Variants in CHRM3 observed in about 807,000 individuals in gnomAD.
CHRM3 encodes the protein cholinergic receptor muscarinic 3.
CHRM3 carries 11 observed loss-of-function variants against 41.8 expected under a neutral mutation model. That is an observed-to-expected ratio of 0.26 (90% CI 0.17 to 0.44). The LOEUF is 0.44. CHRM3 is among the 20% of genes least tolerant of loss of function. The pLI is 1.00. For synonymous variants in CHRM3, 297 were observed against 301.4 expected, an observed-to-expected ratio of 0.99 and a Z score of 0.15; for missense variants, 571 against 745.4, an observed-to-expected ratio of 0.77 and a Z score of 2.72.
At chr1:239,673,963 G>A (rs111509216) in intron 4 of CHRM3, among the ~76,000 whole-genome samples, 176 of 152,150 alleles carry the variant, frequency 1.2e-3, no homozygotes, top group African/African-American at 4.1e-3. Flanking sequence ...AACTTTTTGA[G>A]CACCAACATG....
At chr1:239,692,175 C>T (rs1195167609) in intron 5 of CHRM3, among the ~76,000 whole-genome samples, 1 of 152,146 alleles carries the variant, frequency 6.6e-6, no homozygotes. Flanking sequence ...TACATTTAGG[C>T]ATGTGTTTTT....
At chr1:239,874,303 A>ATATCTATATACACAGTG (rs796373002) in intron 6 of CHRM3, among the ~76,000 whole-genome samples, 1 of 123,996 alleles carries the variant, frequency 8.1e-6, no homozygotes, top group Non-Finnish European at 1.6e-5. Context: ...ATATATATAT[A>ATATCTATATACACAGTG]TATATATATA....
chr1:239,452,793 T>C (rs1453959362), intron 1 of CHRM3, among the ~76,000 whole-genome samples: 1 of 152,122 alleles, frequency 6.6e-6, no homozygotes, highest in African/African-American at 2.4e-5. Context: ...TTTACTTATT[T>C]ATTTTATTTT....
intron 1 of CHRM3, among the ~76,000 whole-genome samples, chr1:239,439,343 T>C (rs1391323401): frequency 6.6e-6 from 1 of 152,080 alleles, no homozygotes; most frequent in African/African-American, 2.4e-5. Context: ...TATCATAGCT[T>C]TTATATTTAG....
At chr1:239,436,864 G>C (rs140797280) in intron 1 of CHRM3, among the ~76,000 whole-genome samples, 1 of 151,914 alleles carries the variant, frequency 6.6e-6, no homozygotes, top group East Asian at 2.0e-4. Flanking sequence ...CTGTTACTCC[G>C]TCTTCATGGG....
At chr1:239,817,560 G>A (rs1018482053) in intron 5 of CHRM3, among the ~76,000 whole-genome samples, 1 of 151,830 alleles carries the variant, frequency 6.6e-6, no homozygotes, top group Non-Finnish European at 1.5e-5. Context: ...GGCTACTGGA[G>A]GCACTGTCTT....
intron 4 of CHRM3, among the ~76,000 whole-genome samples, chr1:239,668,097 T>C (rs1410616108): frequency 7.6e-6 from 1 of 132,448 alleles, no homozygotes; most frequent in African/African-American, 2.9e-5. Flanking sequence ...TTCTTTTTTT[T>C]TTTTTTTTTT....
At chr1:239,416,637 G>C (rs947618314) in intron 1 of CHRM3, among the ~76,000 whole-genome samples, 1 of 152,034 alleles carries the variant, frequency 6.6e-6, no homozygotes, top group Non-Finnish European at 1.5e-5. Context: ...AAGAGGAAAA[G>C]GTTTAAGTTA....
chr1:239,703,359 AG>A (rs1314620131), intron 5 of CHRM3: 1 of 152,234 alleles, frequency 6.6e-6, no homozygotes, highest in East Asian at 1.9e-4. Flanking sequence ...TGCCAAGTAA[AG>A]GAAAACATAA....
chr1:239,644,413 T>A (rs938321269), intron 4 of CHRM3, among the ~76,000 whole-genome samples: 19 of 152,250 alleles, frequency 1.2e-4, no homozygotes, highest in African/African-American at 4.6e-4. Context: ...TGTGGACTCT[T>A]AGCCTGAAAG....
intron 3 of CHRM3, among the ~76,000 whole-genome samples, chr1:239,580,761 T>C (rs1662827822): frequency 6.9e-6 from 1 of 144,862 alleles, no homozygotes; most frequent in African/African-American, 2.5e-5. Flanking sequence ...AGTGTGTGTA[T>C]ATATGTAAAT....
Position 239,907,105 on chromosome 1 carries a change from T to C in CHRM3, c.-19-328T>C, listed in dbSNP as rs1471294454. Among the ~76,000 whole-genome samples the C allele has an allele frequency of 3.3e-5, 5 of 152,304 alleles. No individual in the cohort carries two copies. The East Asian group carries it at 9.6e-4, about 29-fold the overall frequency. Reference sequence around the variant, plus strand: ...ATAATTGTAATAGAAATGTCTGATATTTTTCACCTTTACAAAATAAGAGAA... The same window carrying C: ...ATAATTGTAATAGAAATGTCTGATACTTTTCACCTTTACAAAATAAGAGAA... On this transcript the variant is annotated intron_variant, in intron 6 of 6. Transcript: ENST00000676153. This position sits in a 1 kb window ranked among gnomAD's most constrained non-coding sequence, Gnocchi z 5.4.
At chr1:239,715,706 A>T (rs898414228) in intron 5 of CHRM3, among the ~76,000 whole-genome samples, 2 of 152,094 alleles carry the variant, frequency 1.3e-5, no homozygotes, top group Admixed American at 6.6e-5. Flanking sequence ...AAGAGAAAAG[A>T]TATCTCTTCT....
chr1:239,517,115 C>T (rs1669325380), intron 2 of CHRM3, among the ~76,000 whole-genome samples: 1 of 152,132 alleles, frequency 6.6e-6, no homozygotes, highest in African/African-American at 2.4e-5. Flanking sequence ...CCTGAAACCA[C>T]CATCCTCCTG....
intron 1 of CHRM3, among the ~76,000 whole-genome samples, chr1:239,420,317 C>T (rs1661851960): frequency 6.6e-6 from 1 of 152,172 alleles, no homozygotes; most frequent in East Asian, 1.9e-4. Context: ...TGGTAGTGAG[C>T]ACAGAGTTGT....
intron 1 of CHRM3, among the ~76,000 whole-genome samples, chr1:239,391,863 T>C (rs969866424): frequency 1.3e-5 from 2 of 152,214 alleles, no homozygotes; most frequent in African/African-American, 4.8e-5. Flanking sequence ...AGACCTTGCC[T>C]TTCCAAGCCT....
intron 6 of CHRM3, among the ~76,000 whole-genome samples, chr1:239,860,014 T>G (rs937288395): frequency 8.6e-5 from 13 of 152,008 alleles, no homozygotes; most frequent in African/African-American, 3.1e-4. Context: ...GACTGCAGTG[T>G]GTAGCCCAGA....
At chr1:239,808,561 A>C (rs894892291) in intron 5 of CHRM3, among the ~76,000 whole-genome samples, 1 of 152,150 alleles carries the variant, frequency 6.6e-6, no homozygotes, top group Admixed American at 6.5e-5. Flanking sequence ...AGAGTCTCTT[A>C]TTTGCCACCT....
intron 1 of CHRM3, among the ~76,000 whole-genome samples, chr1:239,404,404 GAAAGAAAAAGAAAGAAA>G (rs1660331532): frequency 1.7e-5 from 1 of 57,886 alleles, no homozygotes; most frequent in African/African-American, 7.8e-5. Context: ...AAGAAAGAAA[GAAAGAAAAAGAAAGAAA>G]GAAAGAAAGA....
Sources: allele counts gnomAD v4.1 joint callset (sites outside exome capture counted in the v4.1 genomes callset), GRCh38; gene constraint gnomAD v4.1.1; non-coding constraint Gnocchi (gnomAD v3.1); transcripts MANE v1.5; gene names NCBI Gene and HGNC (gene_info 2026-07-23, HGNC 2026-07-21).